Variants in ZNF500 observed in about 807,000 individuals in gnomAD.
ZNF500 encodes zinc finger protein with KRAB and SCAN domains 18.
ZNF500 carries 31 observed loss-of-function variants against 30.1 expected under a neutral mutation model. The ratio of observed to expected loss-of-function variants is 1.03; its 90% CI spans 0.77 to 1.39. ZNF500 has a LOEUF of 1.39. Among genes scored for constraint, ZNF500 ranks in the 40% most tolerant of loss-of-function variants. The pLI is 0.00. For missense variants in ZNF500, 817 were observed against 657.8 expected (o/e 1.24, Z -2.65); for synonymous variants, 392 against 282.0 (o/e 1.39, Z -3.91).
chr16:4,744,824 G>A (rs749924141), downstream of ZNF500: 3 of 1,582,454 alleles, frequency 1.9e-6, no homozygotes, highest in South Asian at 2.2e-5. Flanking sequence ...TAAGTCACAA[G>A]TGGGCCAAGT....
chr16:4,760,832 T>C (rs907121779), intron 4 of ZNF500, among the ~76,000 whole-genome samples: 2 of 149,124 alleles, frequency 1.3e-5, no homozygotes, highest in African/African-American at 5.0e-5. Flanking sequence ...CCACGAGGAG[T>C]GGTGGACCCA....
chr16:4,745,813 C>A (rs1268475122), downstream of ZNF500, among the ~76,000 whole-genome samples: 1 of 151,994 alleles, frequency 6.6e-6, no homozygotes, highest in East Asian at 1.9e-4. Context: ...ATTTTCCAGG[C>A]ATGTTGGTGC....
rs377499577 is a variant in ZNF500, at chr16:4,765,883, G to A, written c.96C>T (p.Cys32=). The A allele has an allele frequency of 1.4e-5, 22 of 1,613,500 alleles. No homozygotes were observed. The African/African-American group carries it at 2.4e-4, about 18-fold the overall frequency. ...TCTCCACGGAGGGCTCCTCTTCCAA[G>A]CAGAAGTCCTCCTCCACCTTCACAA... is the stretch of plus-strand genomic sequence containing the variant. ...ILIVKVEEDF[C]LEEEPSVETE... The change falls in exon 2 of 6, where the codon TGC becomes TGT. Residue 32 remains cysteine (C), a synonymous_variant. Coordinates refer to ENST00000219478, the MANE Select transcript of ZNF500 (RefSeq NM_021646.4).
At chr16:4,757,902 ATTT>A (rs112830341) in intron 5 of ZNF500, among the ~76,000 whole-genome samples, 1 of 133,366 alleles carries the variant, frequency 7.5e-6, no homozygotes, top group Non-Finnish European at 1.6e-5. Flanking sequence ...GCGCCAGCCA[ATTT>A]TTTTTTTTTT....
At chr16:4,761,619 G>A (rs1434051863) in intron 4 of ZNF500, among the ~76,000 whole-genome samples, 1 of 151,694 alleles carries the variant, frequency 6.6e-6, no homozygotes, top group African/African-American at 2.4e-5. Context: ...ACTTAGGCAA[G>A]AGGATCACTT....
chr16:4,760,439 A>C, intron 5 of ZNF500, 53 bp downstream of exon 5: 1 of 1,550,048 alleles, frequency 6.5e-7, no homozygotes, highest in East Asian at 2.3e-5. Context: ...CTGGTGCCTG[A>C]CAGTTCCTAT....
In ZNF500 at chr16:4,748,600, G is replaced by T. The variant is rs943504755; in HGVS notation, c.*3776C>A. ...CCCGGCCCCTCCACAGGACAAGCCT[G>T]GTCTTCCTGGGTCCTGTTCCTTTGC... On this transcript the variant is annotated 3_prime_UTR_variant, in exon 6 of 6. Transcript: ENST00000219478. The T allele has an allele frequency of 3.9e-5, 6 of 152,384 alleles. No individual in the cohort carries two copies. The highest frequency in any genetic ancestry group is 3.3e-4 in the Admixed American group (5 of 15,292). 9.4% of individuals were successfully genotyped at this position (152,384 alleles called of 1,614,324 possible).
At chr16:4,755,464 G>A (rs757584922) in intron 5 of ZNF500, among the ~76,000 whole-genome samples, 1 of 152,024 alleles carries the variant, frequency 6.6e-6, no homozygotes, top group Non-Finnish European at 1.5e-5. Context: ...TTACAGGAGT[G>A]AGCCACCACA....
rs371776933 is a variant in ZNF500 at position 4,753,009 on chromosome 16, C to T, written c.810G>A (p.Pro270=). ...EDGGDGREDA[P]LRMEWYRVLS... is the part of the protein sequence containing the mutation. Reference sequence around the variant, plus strand: ...GCACTCGGTACCACTCCATTCTCAACGGGGCATCCTCCCTGCCATCACCGC... The same window carrying T: ...GCACTCGGTACCACTCCATTCTCAATGGGGCATCCTCCCTGCCATCACCGC... Residue 270 remains proline (P), a synonymous_variant, in exon 6 of 6, where the codon CCG becomes CCA. Coordinates refer to ENST00000219478, the MANE Select transcript of ZNF500 (RefSeq NM_021646.4). 2.2e-5 allele frequency: 34 copies of T among 1,564,834 alleles called. No homozygotes were observed. The highest frequency in any genetic ancestry group is 1.7e-4 in the Middle Eastern group (1 of 5,864).
At chr16:4,757,874 T>C (rs1044868078) in intron 5 of ZNF500, among the ~76,000 whole-genome samples, 3 of 150,426 alleles carry the variant, frequency 2.0e-5, no homozygotes, top group African/African-American at 2.5e-5. Context: ...AGTGCTGGGA[T>C]TACAGGTGTG....
downstream of ZNF500, chr16:4,746,315 C>T (rs1450981271): frequency 6.5e-6 from 10 of 1,528,974 alleles, no homozygotes; most frequent in East Asian, 4.5e-5. Context: ...ACAAACCCAG[C>T]GCAGGTCACA....
At chr16:4,764,212 G>A (rs1596506965) in intron 2 of ZNF500, 2 of 418,956 alleles carry the variant, frequency 4.8e-6, no homozygotes, top group Non-Finnish European at 6.4e-6. Flanking sequence ...TGGTCAGTGT[G>A]ACTGAGGAAC....
chr16:4,747,723 T>A, downstream of ZNF500: 1 of 1,394,744 alleles, frequency 7.2e-7, no homozygotes, highest in Non-Finnish European at 9.6e-7. Flanking sequence ...GCATTTCCAC[T>A]AGCAGGGGCA....
In ZNF500 at chr16:4,751,437, A is replaced by G. The variant is rs1481270382; in HGVS notation, c.*939T>C. On this transcript the variant is annotated 3_prime_UTR_variant, in exon 6 of 6. Coordinates refer to ENST00000219478, the MANE Select transcript of ZNF500 (RefSeq NM_021646.4). Reference sequence around the variant, plus strand: ...CCAGGCAACATGTCAGGAAGATGGAACTCAGGGGTGCTTTCCCGCCCCAGG... The same window carrying G: ...CCAGGCAACATGTCAGGAAGATGGAGCTCAGGGGTGCTTTCCCGCCCCAGG... The G allele has an allele frequency of 1.7e-5, 13 of 760,602 alleles. No individual in the cohort carries two copies. Among genetic ancestry groups the G allele is most frequent in the Non-Finnish European group, 1.8e-5 (9 of 489,318 alleles). The allele number at this position is 760,602 out of a possible 1,614,324, so 47.1% of individuals were successfully genotyped here.
chr16:4,759,702 A>G (rs2082176122), intron 5 of ZNF500, among the ~76,000 whole-genome samples: 1 of 152,006 alleles, frequency 6.6e-6, no homozygotes, highest in Non-Finnish European at 1.5e-5. Flanking sequence ...TTCTCTGGAG[A>G]AGAACCCTAA....
chr16:4,765,547 CA>C lies in ZNF500; in HGVS notation c.414+17del. The C allele has an allele frequency of 6.4e-7, 1 of 1,564,646 alleles. No homozygotes were observed. The highest frequency in any genetic ancestry group is 8.7e-7 in the Non-Finnish European group (1 of 1,154,112). On this transcript the variant is annotated intron_variant, in intron 2 of 5. Coordinates refer to ENST00000219478, the MANE Select transcript of ZNF500 (RefSeq NM_021646.4). The stretch of plus-strand genomic sequence containing the variant: ...GGGCCCCATTTCCTCACCTGAGGGT[CA>C]AAATGCCCCCACTCACCCGCTGCCT...
At chr16:4,759,746 C>T (rs142837874) in intron 5 of ZNF500, among the ~76,000 whole-genome samples, 2,678 of 152,128 alleles carry the variant, frequency 0.018, 34 homozygotes, top group Non-Finnish European at 0.029. Flanking sequence ...TTAGAAAAGG[C>T]TTCAGCATGG....
chr16:4,747,638 G>C (rs770569697), downstream of ZNF500: 5 of 1,595,110 alleles, frequency 3.1e-6, no homozygotes, highest in East Asian at 9.0e-5. Context: ...GCCTCAGGTA[G>C]TGGGATCCCA....
downstream of ZNF500, chr16:4,744,873 G>T: frequency 6.2e-7 from 1 of 1,612,354 alleles, no homozygotes; most frequent in Non-Finnish European, 8.5e-7. Flanking sequence ...TCCTCAGACC[G>T]CATGGTGCCG....
Sources: gnomAD v4.1 joint callset for allele counts (sites outside exome capture counted in the v4.1 genomes callset) on GRCh38, gnomAD v4.1.1 for gene constraint, MANE v1.5 for transcripts, NCBI Gene and HGNC (gene_info 2026-07-23, HGNC 2026-07-21) for gene names.